Variants in GATA4 observed in about 807,000 individuals in gnomAD.
GATA4 encodes the protein GATA binding protein 4, also known as transcription factor GATA-4.
A neutral mutation model predicts 37.9 loss-of-function variants in GATA4; 7 were observed. The ratio of observed to expected loss-of-function variants is 0.18; its 90% confidence interval spans 0.11 to 0.35. The LOEUF is 0.35. Among genes scored for constraint, GATA4 ranks in the 10% least tolerant of loss-of-function variants. The probability of loss-of-function intolerance (pLI) is 1.00; values close to 1 mark genes in which losing one functional copy is unlikely to be tolerated. For synonymous variants in GATA4, 372 were observed against 292.6 expected, an observed-to-expected ratio of 1.27 and a Z score of -2.77; for missense variants, 647 against 653.0, an observed-to-expected ratio of 0.99 and a Z score of 0.10.
intron 2 of GATA4, among the ~76,000 whole-genome samples, chr8:11,723,288 C>T (rs1010064796): frequency 4.6e-5 from 7 of 151,550 alleles, no homozygotes; most frequent in Admixed American, 6.6e-5. Flanking sequence ...CCTGGGAGTT[C>T]GAGGCTGCAG....
intron 2 of GATA4, among the ~76,000 whole-genome samples, chr8:11,731,004 T>G (rs1801182837): frequency 6.6e-6 from 1 of 152,238 alleles, no homozygotes; most frequent in Admixed American, 6.5e-5. Flanking sequence ...TCGGGCAGTC[T>G]TCCTTCCCTC....
intron 2 of GATA4, among the ~76,000 whole-genome samples, chr8:11,730,607 G>A (rs1801158618): frequency 1.3e-5 from 2 of 152,236 alleles, no homozygotes; most frequent in African/African-American, 4.8e-5. Flanking sequence ...TGGCTCCTGG[G>A]TGTTCAGGCC....
At chr8:11,696,315 T>C (rs1230242379) in intron 1 of GATA4, among the ~76,000 whole-genome samples, 1 of 152,164 alleles carries the variant, frequency 6.6e-6, no homozygotes. Context: ...CTCTGATCTG[T>C]TTTCAGCCCC....
Position 11,738,180 on chromosome 8 carries a change from CAAA to C in GATA4, c.617-10720_617-10718del, listed in dbSNP as rs35759534. ...TGGGTGACAGAGCAAGACTCTGTCTCAAAAAAAAAAAAAAAAAATCACTATCAC... is the reference window on the plus strand; with the variant it reads ...TGGGTGACAGAGCAAGACTCTGTCTCAAAAAAAAAAAAAAATCACTATCAC... On this transcript the variant is annotated intron_variant, in intron 2 of 6. Transcript: ENST00000532059. Among the ~76,000 whole-genome samples the C allele has an allele frequency of 8.1e-3, 671 of 82,462 alleles. 5 individuals carry two copies. Among genetic ancestry groups the C allele is most frequent in the African/African-American group, 0.024 (637 of 26,810 alleles). 54.1% of individuals were successfully genotyped at this position (82,462 alleles called of 152,430 possible).
intron 1 of GATA4, chr8:11,680,880 G>A (rs1032892009): frequency 1.0e-6 from 1 of 985,304 alleles, no homozygotes; most frequent in East Asian, 1.1e-4. Flanking sequence ...TCTCAGTTGC[G>A]ACCCCCTGTG....
chr8:11,694,878 A>G (rs1301479293), intron 1 of GATA4, among the ~76,000 whole-genome samples: 1 of 151,982 alleles, frequency 6.6e-6, no homozygotes, highest in Non-Finnish European at 1.5e-5. Flanking sequence ...TCACACACAC[A>G]CCTCACTTTT....
intron 2 of GATA4, among the ~76,000 whole-genome samples, chr8:11,746,617 C>T (rs1660157036): frequency 6.6e-6 from 1 of 152,218 alleles, no homozygotes; most frequent in Admixed American, 6.5e-5. Context: ...AATTCCTGGC[C>T]TCTTTAATCC....
At chr8:11,734,335 G>T (rs144881982) in intron 2 of GATA4, among the ~76,000 whole-genome samples, 1 of 152,166 alleles carries the variant, frequency 6.6e-6, no homozygotes, top group Admixed American at 6.5e-5. Context: ...CTTTAACAAC[G>T]CTTATTTCTC....
At position 11,730,204 on chromosome 8, in the gene GATA4, G is replaced by A. The variant is rs578123806; in HGVS notation, c.617-18712G>A. 6.7e-4 allele frequency among the ~76,000 whole-genome samples: 102 copies of A among 152,306 alleles called. 3 individuals are homozygous for A. In the South Asian group the frequency reaches 0.015, roughly 22 times the overall value. On this transcript the variant is annotated intron_variant, in intron 2 of 6. Coordinates refer to ENST00000532059, the MANE Select transcript of GATA4 (RefSeq NM_001308093.3). Reference sequence around the variant, plus strand: ...GCTGGGATTACAGGCATAAGCCATCGTGCCTGGCCTCAGTGAGTGGTTTTG... The same window carrying A: ...GCTGGGATTACAGGCATAAGCCATCATGCCTGGCCTCAGTGAGTGGTTTTG...
intron 1 of GATA4, among the ~76,000 whole-genome samples, chr8:11,686,637 G>A (rs1035242082): frequency 1.4e-4 from 22 of 152,190 alleles, no homozygotes; most frequent in African/African-American, 5.3e-4. Flanking sequence ...ATAGTGGTAG[G>A]AACTTTCCTG....
chr8:11,686,578 C>T (rs2129954692), intron 1 of GATA4, among the ~76,000 whole-genome samples: 1 of 152,328 alleles, frequency 6.6e-6, no homozygotes, highest in East Asian at 1.9e-4. Context: ...CCGAGACAGG[C>T]ACCATAGCCA....
chr8:11,745,663 T>C (rs1801995265), intron 2 of GATA4, among the ~76,000 whole-genome samples: 1 of 152,158 alleles, frequency 6.6e-6, no homozygotes, highest in Non-Finnish European at 1.5e-5. Flanking sequence ...AAAACAATAA[T>C]TGTGAGGAGA....
upstream of GATA4, among the ~76,000 whole-genome samples, chr8:11,699,223 AG>A (rs1173713149): frequency 1.3e-5 from 2 of 152,266 alleles, no homozygotes; most frequent in East Asian, 3.9e-4. Flanking sequence ...TTATAACTTC[AG>A]GGGGCATGGA....
intron 2 of GATA4, among the ~76,000 whole-genome samples, chr8:11,713,919 C>T (rs562178336): frequency 6.6e-6 from 1 of 152,274 alleles, no homozygotes; most frequent in East Asian, 1.9e-4. Context: ...AACCCAGTCA[C>T]GGTGGTTACA....
intron 1 of GATA4, chr8:11,692,857 C>T: frequency 1.5e-5 from 15 of 981,546 alleles, no homozygotes; most frequent in Non-Finnish European, 1.8e-5. Flanking sequence ...GGGGCTGACC[C>T]CGAGCGCCGC....
chr8:11,677,031 G>C (rs1207285030), exon 1 of GATA4: 1 of 152,404 alleles, frequency 6.6e-6, no homozygotes, highest in Non-Finnish European at 1.5e-5. Flanking sequence ...ACCAGGCCTT[G>C]AGCAGCCGCA....
chr8:11,692,828 A>G, intron 1 of GATA4: 6 of 981,920 alleles, frequency 6.1e-6, no homozygotes, highest in Non-Finnish European at 7.2e-6. Context: ...GGCCGGGCAG[A>G]GGCGGGGGCG....
At chr8:11,711,554 G>T (rs1477389970) in intron 2 of GATA4, among the ~76,000 whole-genome samples, 1 of 152,086 alleles carries the variant, frequency 6.6e-6, no homozygotes, top group Non-Finnish European at 1.5e-5. Context: ...GAGGCAGGAG[G>T]ATCATTTGAG....
At chr8:11,735,909 G>GA (rs113522855) in intron 2 of GATA4, among the ~76,000 whole-genome samples, 31 of 151,064 alleles carry the variant, frequency 2.1e-4, no homozygotes, top group Admixed American at 7.3e-4. Context: ...TTGCCTGTTT[G>GA]AAAAAAAAAA....
Sources: gnomAD v4.1 joint callset for allele counts (sites outside exome capture counted in the v4.1 genomes callset) on GRCh38, gnomAD v4.1.1 for gene constraint, MANE v1.5 for transcripts, NCBI Gene and HGNC (gene_info 2026-07-23, HGNC 2026-07-21) for gene names.